Variants in NOL4 observed in about 807,000 individuals in gnomAD.
The protein encoded by NOL4 is nucleolar protein 4.
Under a neutral mutation model 75.9 loss-of-function variants are expected in NOL4, and 17 were observed. The ratio of observed to expected loss-of-function variants is 0.22; its 90% CI spans 0.15 to 0.34. The LOEUF (loss-of-function observed/expected upper bound fraction) is 0.34. Among genes scored for constraint, NOL4 ranks in the 10% least tolerant of loss-of-function variants. NOL4 has a pLI of 1.00. For synonymous variants in NOL4, 292 were observed against 289.9 expected, an observed-to-expected ratio of 1.01 and a Z score of -0.07; for missense variants, 614 against 793.5, an observed-to-expected ratio of 0.77 and a Z score of 2.72.
intron 10 of NOL4, among the ~76,000 whole-genome samples, chr18:33,875,773 A>G (rs1359819747): frequency 2.0e-5 from 3 of 152,048 alleles, no homozygotes; most frequent in Non-Finnish European, 4.4e-5. Context: ...TTAAGCAAAT[A>G]TTATTGAGCA....
intron 6 of NOL4, among the ~76,000 whole-genome samples, chr18:33,963,488 A>G (rs1467275732): frequency 2.0e-5 from 3 of 152,160 alleles, no homozygotes; most frequent in Admixed American, 2.0e-4. Context: ...TTGGATGACT[A>G]TAGCCTAGGA....
intron 5 of NOL4, among the ~76,000 whole-genome samples, chr18:34,054,759 G>A (rs2076763689): frequency 1.3e-5 from 2 of 151,662 alleles, no homozygotes; most frequent in Non-Finnish European, 3.0e-5. Context: ...ATTGTTTTCT[G>A]TGTGTCTTGT....
chr18:34,016,986 T>G (rs941650050), intron 6 of NOL4, among the ~76,000 whole-genome samples: 3 of 152,058 alleles, frequency 2.0e-5, no homozygotes, highest in African/African-American at 7.2e-5. Flanking sequence ...CATACTGAGG[T>G]CAGAATGGAC....
intron 3 of NOL4, 34 bp from the exon 4 acceptor site, chr18:34,104,193 T>A (rs771686922): frequency 8.6e-7 from 1 of 1,168,554 alleles, no homozygotes; most frequent in South Asian, 1.2e-5. Flanking sequence ...GTAATGAAAG[T>A]AATACTGCAT....
chr18:33,882,442 A>G (rs1389415501), intron 10 of NOL4, among the ~76,000 whole-genome samples: 40 of 152,016 alleles, frequency 2.6e-4, no homozygotes, highest in African/African-American at 8.7e-4. Context: ...GCAGCCAAAA[A>G]ACACATGAAA....
At chr18:34,085,258 C>T (rs755136117) in intron 5 of NOL4, among the ~76,000 whole-genome samples, 1 of 152,130 alleles carries the variant, frequency 6.6e-6, no homozygotes, top group Admixed American at 6.5e-5. Flanking sequence ...AAGGATTAAA[C>T]GGTCTAGCAT....
At chr18:34,072,488 G>A (rs1046787532) in intron 5 of NOL4, among the ~76,000 whole-genome samples, 1 of 152,114 alleles carries the variant, frequency 6.6e-6, no homozygotes, top group Non-Finnish European at 1.5e-5. Flanking sequence ...GTAGATAAAT[G>A]CACAATCGTA....
intron 10 of NOL4, among the ~76,000 whole-genome samples, chr18:33,882,972 C>A (rs532173328): frequency 6.6e-5 from 10 of 151,852 alleles, no homozygotes; most frequent in Non-Finnish European, 1.2e-4. Context: ...AACCAAACAC[C>A]GCATATTCTC....
intron 5 of NOL4, among the ~76,000 whole-genome samples, chr18:34,027,630 C>A (rs1040184188): frequency 2.0e-5 from 3 of 152,208 alleles, no homozygotes; most frequent in East Asian, 3.9e-4. Context: ...TAGCCCAAAA[C>A]TTTTATATTG....
intron 10 of NOL4, among the ~76,000 whole-genome samples, chr18:33,863,165 G>T (rs554136983): frequency 6.6e-6 from 1 of 151,302 alleles, no homozygotes; most frequent in African/African-American, 2.4e-5. Context: ...GTAAACTATC[G>T]CAAGAACAAA....
intron 1 of NOL4, among the ~76,000 whole-genome samples, chr18:34,205,909 C>A (rs116023770): frequency 6.6e-6 from 1 of 152,102 alleles, no homozygotes; most frequent in African/African-American, 2.4e-5. Context: ...ATTTATTCTT[C>A]TTTTTCTCAT....
At chr18:34,053,604 T>C (rs748018805) in intron 5 of NOL4, among the ~76,000 whole-genome samples, 5 of 151,900 alleles carry the variant, frequency 3.3e-5, no homozygotes, top group Non-Finnish European at 5.9e-5. Flanking sequence ...CTCTCTATTA[T>C]CACTCTACTA....
intron 5 of NOL4, among the ~76,000 whole-genome samples, chr18:34,063,963 T>C (rs763148486): frequency 1.3e-5 from 2 of 152,030 alleles, no homozygotes; most frequent in Admixed American, 6.6e-5. Context: ...ATTAACTCTA[T>C]TTATGAAGTT....
intron 9 of NOL4, among the ~76,000 whole-genome samples, chr18:33,891,831 A>G (rs191453725): frequency 1.4e-4 from 21 of 152,286 alleles, no homozygotes; most frequent in Non-Finnish European, 3.1e-4. Flanking sequence ...CAGTAACTGC[A>G]CTAAGTAGCC....
intron 1 of NOL4, among the ~76,000 whole-genome samples, chr18:34,170,141 G>A (rs1008409110): frequency 2.6e-5 from 4 of 151,606 alleles, no homozygotes; most frequent in African/African-American, 7.3e-5. Flanking sequence ...CCCTTGAAAT[G>A]TGAATAGTCT....
At chr18:34,006,351 G>A (rs2074026270) in intron 6 of NOL4, among the ~76,000 whole-genome samples, 1 of 152,104 alleles carries the variant, frequency 6.6e-6, no homozygotes, top group South Asian at 2.1e-4. Flanking sequence ...GGGTGTTTCT[G>A]GAAGAGATCA....
At chr18:34,136,059 C>G (rs1277695838) in intron 1 of NOL4, among the ~76,000 whole-genome samples, 3 of 152,144 alleles carry the variant, frequency 2.0e-5, no homozygotes, top group African/African-American at 7.2e-5. Context: ...TTTAATATAT[C>G]ATATTAATAC....
intron 8 of NOL4, among the ~76,000 whole-genome samples, chr18:33,954,804 G>C (rs1405971502): frequency 6.6e-6 from 1 of 151,972 alleles, no homozygotes; most frequent in Non-Finnish European, 1.5e-5. Context: ...CTAAGACCAA[G>C]GTGTATTCAT....
chr18:34,130,479 A>G (rs908312946), intron 1 of NOL4, among the ~76,000 whole-genome samples: 4 of 152,046 alleles, frequency 2.6e-5, no homozygotes, highest in Non-Finnish European at 4.4e-5. Context: ...AGGTTATTGC[A>G]TAACCTAGGA....
Sources: allele counts gnomAD v4.1 joint callset (sites outside exome capture counted in the v4.1 genomes callset), GRCh38; gene constraint gnomAD v4.1.1; transcripts MANE v1.5; gene names NCBI Gene and HGNC (gene_info 2026-07-23, HGNC 2026-07-21).